Variants in RABGAP1L observed in about 807,000 individuals in gnomAD.
The protein encoded by RABGAP1L is rab GTPase-activating protein 1-like.
A neutral mutation model predicts 137.7 loss-of-function variants in RABGAP1L; 63 were observed. The observed-to-expected ratio is 0.46, with a 90% CI of 0.37 to 0.56. RABGAP1L has a LOEUF of 0.56. RABGAP1L is among the 20% of genes least tolerant of loss of function. RABGAP1L has a pLI of 0.00. For missense variants in RABGAP1L, 1,095 were observed against 1,244.0 expected (o/e 0.88, Z 1.80); for synonymous variants, 431 against 433.7 (o/e 0.99, Z 0.08).
Position 174,544,685 on chromosome 1 carries a change from T to G in RABGAP1L, c.1711-92690T>G, listed in dbSNP as rs572118407. Among the ~76,000 whole-genome samples the G allele has an allele frequency of 3.9e-5, 6 of 152,312 alleles. 1 individual carries two copies. In the South Asian group the frequency reaches 1.2e-3, roughly 32 times the overall value. On this transcript the variant is annotated intron_variant, in intron 13 of 25. Coordinates refer to ENST00000681986, the MANE Select transcript of RABGAP1L (RefSeq NM_001366446.1). Reference sequence around the variant, plus strand: ...CTTTGGAGGAGAAGAGGCCCTCTGATTTTTAGAATTTTTAGCTTTTCTGCT... The same window carrying G: ...CTTTGGAGGAGAAGAGGCCCTCTGAGTTTTAGAATTTTTAGCTTTTCTGCT...
intron 17 of RABGAP1L, among the ~76,000 whole-genome samples, chr1:174,740,666 A>G (rs910792701): frequency 2.6e-5 from 4 of 152,168 alleles, no homozygotes; most frequent in African/African-American, 7.2e-5. Context: ...ACTGTTTTCC[A>G]TAGTGGCTGT....
intron 1 of RABGAP1L, among the ~76,000 whole-genome samples, chr1:174,206,758 A>G (rs781126636): frequency 3.9e-5 from 6 of 152,178 alleles, no homozygotes; most frequent in Non-Finnish European, 8.8e-5. Flanking sequence ...TTGGGAAGAA[A>G]ATAGCTTTCA....
At chr1:174,786,634 C>T (rs1191989999) in intron 18 of RABGAP1L, among the ~76,000 whole-genome samples, 2 of 152,270 alleles carry the variant, frequency 1.3e-5, no homozygotes, top group South Asian at 2.1e-4. Context: ...TGCTAAATAA[C>T]GTTGACCTTT....
intron 16 of RABGAP1L, chr1:174,700,842 C>T: frequency 5.0e-6 from 1 of 199,866 alleles, no homozygotes; most frequent in Non-Finnish European, 1.0e-5. Context: ...TTTTATTTAC[C>T]AAAAAATTCA....
At chr1:174,667,761 T>C (rs558630828) in intron 14 of RABGAP1L, among the ~76,000 whole-genome samples, 1 of 152,310 alleles carries the variant, frequency 6.6e-6, no homozygotes, top group Admixed American at 6.5e-5. Flanking sequence ...TTATTTACTC[T>C]TTCTCTCTGA....
intron 10 of RABGAP1L, among the ~76,000 whole-genome samples, chr1:174,298,315 G>A (rs887651521): frequency 6.6e-6 from 1 of 152,104 alleles, no homozygotes; most frequent in Non-Finnish European, 1.5e-5. Context: ...CATGAAGCAG[G>A]GGGACCTGAG....
intron 13 of RABGAP1L, among the ~76,000 whole-genome samples, chr1:174,409,685 G>T (rs1374123758): frequency 6.6e-6 from 1 of 152,104 alleles, no homozygotes; most frequent in Non-Finnish European, 1.5e-5. Context: ...CCCTGGGAAA[G>T]GAATGCATTC....
In RABGAP1L at chr1:174,787,887, T is replaced by C. The variant is rs79111385; in HGVS notation, c.2212-23945T>C. 9.0e-3 allele frequency among the ~76,000 whole-genome samples: 1,372 copies of C among 152,314 alleles called. 26 individuals are homozygous for C. Among genetic ancestry groups the C allele is most frequent in the African/African-American group, 0.032 (1,322 of 41,564 alleles). ...ACTGAGCAGCATTTCCCAGGTACTGTAGGGAACTTGGGTACAGTTGGATAT... is the reference window on the plus strand; with the variant it reads ...ACTGAGCAGCATTTCCCAGGTACTGCAGGGAACTTGGGTACAGTTGGATAT... On this transcript the variant is annotated intron_variant, in intron 18 of 25. Transcript: ENST00000681986.
chr1:174,652,842 G>A (rs781492550), intron 14 of RABGAP1L, among the ~76,000 whole-genome samples: 10 of 152,204 alleles, frequency 6.6e-5, no homozygotes, highest in Non-Finnish European at 1.3e-4. Context: ...GAGATCTGCT[G>A]CTCTCTTTAC....
chr1:174,742,377 T>G (rs867316420), intron 17 of RABGAP1L, among the ~76,000 whole-genome samples: 5 of 151,310 alleles, frequency 3.3e-5, no homozygotes, highest in African/African-American at 1.2e-4. Context: ...ATTAGTTGAG[T>G]GTAGTGGCGC....
chr1:174,486,909 T>C (rs1170616527), intron 13 of RABGAP1L, among the ~76,000 whole-genome samples: 1 of 152,170 alleles, frequency 6.6e-6, no homozygotes, highest in Non-Finnish European at 1.5e-5. Context: ...CAGAAACATA[T>C]TGTTTAATTT....
At chr1:174,282,534 C>T (rs940696719) in intron 10 of RABGAP1L, among the ~76,000 whole-genome samples, 1 of 151,992 alleles carries the variant, frequency 6.6e-6, no homozygotes, top group Non-Finnish European at 1.5e-5. Context: ...TTGTCAGATA[C>T]ACATATTTCA....
chr1:174,175,374 C>G (rs1472484178), intron 1 of RABGAP1L, among the ~76,000 whole-genome samples: 1 of 152,122 alleles, frequency 6.6e-6, no homozygotes, highest in East Asian at 1.9e-4. Flanking sequence ...ACTGTGGTCT[C>G]TGTTAGAAAT....
At chr1:174,542,537 A>T (rs1665562297) in intron 13 of RABGAP1L, among the ~76,000 whole-genome samples, 1 of 152,164 alleles carries the variant, frequency 6.6e-6, no homozygotes, top group African/African-American at 2.4e-5. Flanking sequence ...ATCTTTTCAA[A>T]AAACCAGCTC....
At chr1:174,253,367 G>A (rs1034973024) in intron 7 of RABGAP1L, among the ~76,000 whole-genome samples, 16 of 152,106 alleles carry the variant, frequency 1.1e-4, no homozygotes, top group African/African-American at 3.6e-4. Flanking sequence ...TAAAATGTAC[G>A]TATGTCCTTT....
rs967878464 is a variant in RABGAP1L, at chr1:174,579,123, T to G, written c.1711-58252T>G. ...ATGCCTTCTATATGCCATACACATT[T>G]GCATAGTTATATTTAATGTTGAGTA... On this transcript the variant is annotated intron_variant, in intron 13 of 25. Coordinates refer to ENST00000681986, the MANE Select transcript of RABGAP1L (RefSeq NM_001366446.1). Among the ~76,000 whole-genome samples, 4 of 152,262 alleles carry G rather than the reference T, an allele frequency of 2.6e-5. No homozygotes were observed. In the East Asian group the frequency reaches 7.7e-4, roughly 29 times the overall value.
At chr1:174,435,975 G>T (rs1360355049) in intron 13 of RABGAP1L, among the ~76,000 whole-genome samples, 1 of 152,064 alleles carries the variant, frequency 6.6e-6, no homozygotes, top group East Asian at 1.9e-4. Context: ...TCCCTACAAA[G>T]GACATGAACT....
intron 18 of RABGAP1L, among the ~76,000 whole-genome samples, chr1:174,763,924 G>C (rs4652770): frequency 1.3e-5 from 2 of 150,616 alleles, no homozygotes; most frequent in African/African-American, 4.9e-5. Context: ...TCTAATTCTA[G>C]AACATTCTTA....
chr1:174,775,984 G>A (rs1686497014), intron 18 of RABGAP1L, among the ~76,000 whole-genome samples: 1 of 152,296 alleles, frequency 6.6e-6, no homozygotes, highest in East Asian at 1.9e-4. Flanking sequence ...TTTCAGTAGA[G>A]GAGATTTCTT....
Sources: allele counts gnomAD v4.1 joint callset (sites outside exome capture counted in the v4.1 genomes callset), GRCh38; gene constraint gnomAD v4.1.1; transcripts MANE v1.5; gene names NCBI Gene and HGNC (gene_info 2026-07-23, HGNC 2026-07-21).